SEC11A: variants seen among roughly 807,000 people sequenced by gnomAD.
SEC11A encodes the protein SEC11 homolog A, signal peptidase complex subunit.
SEC11A carries 14 observed loss-of-function variants against 25.6 expected under a neutral mutation model. The observed-to-expected ratio is 0.55, with a 90% CI of 0.36 to 0.85. The LOEUF (loss-of-function observed/expected upper bound fraction) is 0.85. Among genes scored for constraint, SEC11A ranks in the 40% least tolerant of loss-of-function variants. The pLI, the probability that SEC11A is intolerant of heterozygous loss-of-function variation, is 0.01. For missense variants in SEC11A, 153 were observed against 222.9 expected (o/e 0.69, Z 2.00); for synonymous variants, 83 against 76.4 (o/e 1.09, Z -0.45).
intron 4 of SEC11A, among the ~76,000 whole-genome samples, chr15:84,676,265 G>A (rs1395894697): frequency 6.6e-6 from 1 of 151,930 alleles, no homozygotes; most frequent in Non-Finnish European, 1.5e-5. Context: ...AAAAGAGAGA[G>A]ACCAGCCTGG....
At position 84,669,809 on chromosome 15, in the gene SEC11A, G is replaced by A; in HGVS notation, c.*210C>T. The A allele has an allele frequency of 1.6e-6, 1 of 619,122 alleles. No individual in the cohort carries two copies. Among genetic ancestry groups the A allele is most frequent in the East Asian group, 3.2e-5 (1 of 30,806 alleles). 38.4% of individuals were successfully genotyped at this position (619,122 alleles called of 1,614,324 possible). A position where few individuals can be genotyped will look rare whatever the true frequency, so the allele number is the denominator to read the frequency against. ...GTGACAATGACAATTATGAAATCCTGTGACTGAAAGTCCCCTCGAGTGCAC... is the reference window on the plus strand; with the variant it reads ...GTGACAATGACAATTATGAAATCCTATGACTGAAAGTCCCCTCGAGTGCAC... On this transcript the variant is annotated 3_prime_UTR_variant, in exon 6 of 6. Transcript: ENST00000268220.
intron 2 of SEC11A, among the ~76,000 whole-genome samples, chr15:84,690,583 C>G (rs1271843764): frequency 2.0e-5 from 3 of 151,102 alleles, no homozygotes; most frequent in African/African-American, 7.3e-5. Flanking sequence ...CGCCACTGCA[C>G]TCTATCCTGG....
rs192340866 is a variant in SEC11A, at chr15:84,706,728, G to A, written c.51+9297C>T. ...GTGTATAGATGCCAAGTTGACAAAG[G>A]GTAGAATCTAACAGTTTTGTACTTT... On this transcript the variant is annotated intron_variant, in intron 1 of 5. Transcript: ENST00000268220. Among the ~76,000 whole-genome samples, 112 of 152,334 alleles carry A rather than the reference G, an allele frequency of 7.4e-4. 1 individual carries two copies. Among genetic ancestry groups the A allele is most frequent in the Non-Finnish European group, 1.1e-3 (74 of 68,036 alleles).
chr15:84,669,924 G>GT lies in SEC11A; in HGVS notation c.*94dup, dbSNP rs750167273. On this transcript the variant is annotated 3_prime_UTR_variant, in exon 6 of 6. Coordinates refer to ENST00000268220, the MANE Select transcript of SEC11A (RefSeq NM_014300.4). Reference sequence around the variant, plus strand: ...GTGCTACCCAGAAGCACCAACACGTGTGTTCTCCATTCCACCAATCACAGA... The same window carrying GT: ...GTGCTACCCAGAAGCACCAACACGTGTTGTTCTCCATTCCACCAATCACAGA... 20 of 1,596,374 alleles carry GT rather than the reference G, an allele frequency of 1.3e-5. No individual in the cohort carries two copies. Among genetic ancestry groups the GT allele is most frequent in the Non-Finnish European group, 1.6e-5 (19 of 1,171,702 alleles).
intron 5 of SEC11A, 158 bp downstream of exon 5, chr15:84,670,567 A>C: frequency 2.3e-6 from 1 of 434,214 alleles, no homozygotes; most frequent in Non-Finnish European, 4.2e-6. Context: ...TTTAATAGAG[A>C]CGGGGTTTCG....
Position 84,679,329 on chromosome 15 carries a change from A to G in SEC11A, c.431+1384T>C, listed in dbSNP as rs780916361. 5 of 844,230 alleles carry G rather than the reference A, an allele frequency of 5.9e-6. No homozygotes were observed. In the South Asian group the frequency reaches 7.1e-5, roughly 12 times the overall value. The allele number at this position is 844,230 out of a possible 1,614,324, so 52.3% of individuals were successfully genotyped here. A position where few individuals can be genotyped will look rare whatever the true frequency, so the allele number is the denominator to read the frequency against. On this transcript the variant is annotated intron_variant, in intron 4 of 5. Coordinates refer to ENST00000268220, the MANE Select transcript of SEC11A (RefSeq NM_014300.4). ...AAGTATTTTTAGCTCCATCAAAGGA[A>G]AAGTTCCTTAAAGCGGGGACATATT...
intron 2 of SEC11A, 146 bp downstream of exon 2, chr15:84,691,389 A>G (rs1897602318): frequency 1.8e-6 from 1 of 556,050 alleles, no homozygotes; most frequent in African/African-American, 1.9e-5. Context: ...ATTTCTTACA[A>G]CTGATAAGTA....
At chr15:84,699,316 CAAAAA>C (rs35351608) in intron 1 of SEC11A, among the ~76,000 whole-genome samples, 1 of 89,076 alleles carries the variant, frequency 1.1e-5, no homozygotes, top group Non-Finnish European at 2.2e-5. Flanking sequence ...CTCTTGTCTC[CAAAAA>C]AAAAAAAAAA....
In SEC11A at chr15:84,670,714, C is replaced by G; in HGVS notation, c.489+11G>C. ...ACATTTTTTAATAAAACAAATAATA[C>G]AGACTCTTACCTTAAATTTAGGATA... On this transcript the variant is annotated intron_variant, in intron 5 of 5. Transcript: ENST00000268220. The G allele has an allele frequency of 7.6e-7, 1 of 1,312,550 alleles. No individual in the cohort carries two copies. The highest frequency in any genetic ancestry group is 2.5e-5 in the East Asian group (1 of 40,654). The allele number at this position is 1,312,550 out of a possible 1,614,324, so 81.3% of individuals were successfully genotyped here. A position where few individuals can be genotyped will look rare whatever the true frequency, so the allele number is the denominator to read the frequency against.
At chr15:84,677,165 T>C (rs1388323542) in intron 4 of SEC11A, among the ~76,000 whole-genome samples, 1 of 152,200 alleles carries the variant, frequency 6.6e-6, no homozygotes, top group Non-Finnish European at 1.5e-5. Flanking sequence ...TTCTTAAGAT[T>C]TGTGTACATC....
In SEC11A at chr15:84,680,731, A is replaced by C; in HGVS notation, c.413T>G (p.Val138Gly). 6.2e-7 allele frequency: 1 copy of C among 1,612,342 alleles called. No individual in the cohort carries two copies. The highest frequency in any genetic ancestry group is 8.5e-7 in the Non-Finnish European group (1 of 1,178,860). ...QGQHWLEKKD[V>G]VGRARGFVPY... ...TACTTACCCCCTGGCTCTCCCCACAACATCTTTTTTCTCTAGCCAATGTTG... is the reference window on the plus strand; with the variant it reads ...TACTTACCCCCTGGCTCTCCCCACACCATCTTTTTTCTCTAGCCAATGTTG... The change falls in exon 4 of 6, where the codon GTT becomes GGT. Residue 138 changes from valine to glycine, a missense_variant. Coordinates refer to ENST00000268220, the MANE Select transcript of SEC11A (RefSeq NM_014300.4).
At chr15:84,672,401 C>G (rs981414106) in intron 4 of SEC11A, 1 of 160,646 alleles carries the variant, frequency 6.2e-6, no homozygotes, top group Admixed American at 6.5e-5. Flanking sequence ...CCGGTGCCTG[C>G]GATTGCAGGC....
At chr15:84,680,307 A>C (rs1329201477) in intron 4 of SEC11A, among the ~76,000 whole-genome samples, 2 of 151,948 alleles carry the variant, frequency 1.3e-5, no homozygotes, top group Non-Finnish European at 2.9e-5. Context: ...TCTCAAAAAA[A>C]AGAAAAAAAA....
At position 84,694,312 on chromosome 15, in the gene SEC11A, A is replaced by G. The variant is rs568961012; in HGVS notation, c.52-2668T>C. Among the ~76,000 whole-genome samples, 31 of 152,044 alleles carry G rather than the reference A, an allele frequency of 2.0e-4. 1 individual carries two copies. The highest frequency in any genetic ancestry group is 1.8e-3 in the Admixed American group (27 of 15,260). On this transcript the variant is annotated intron_variant, in intron 1 of 5. Transcript: ENST00000268220. The stretch of plus-strand genomic sequence containing the variant: ...GGGGGTTGCAGTAAGCTGAGATCGC[A>G]CCACTGCACTCCAGCCTGGGCAACT...
chr15:84,700,154 T>A (rs1227687574), intron 1 of SEC11A, among the ~76,000 whole-genome samples: 1 of 151,514 alleles, frequency 6.6e-6, no homozygotes, highest in Non-Finnish European at 1.5e-5. Context: ...TCCAAACATA[T>A]CCAGCACCCA....
At chr15:84,676,170 A>C (rs1308484262) in intron 4 of SEC11A, among the ~76,000 whole-genome samples, 3 of 152,232 alleles carry the variant, frequency 2.0e-5, no homozygotes, top group Non-Finnish European at 4.4e-5. Context: ...TGTGAATTAT[A>C]TCTCAATAAA....
chr15:84,715,955 G>T, intron 1 of SEC11A, 70 bp downstream of exon 1: 1 of 1,466,348 alleles, frequency 6.8e-7, no homozygotes, highest in Non-Finnish European at 9.5e-7. Flanking sequence ...CCTGGGGTCC[G>T]CCGGGCCCCG....
At chr15:84,712,197 A>G (rs1007707772) in intron 1 of SEC11A, among the ~76,000 whole-genome samples, 2 of 151,846 alleles carry the variant, frequency 1.3e-5, no homozygotes, top group Non-Finnish European at 2.9e-5. Context: ...AGCTGTGATT[A>G]TGCTACTGCA....
chr15:84,680,920 T>A, intron 3 of SEC11A, 88 bp from the exon 4 acceptor site: 2 of 1,184,600 alleles, frequency 1.7e-6, no homozygotes, highest in Admixed American at 4.5e-5. Flanking sequence ...AACATGTTTG[T>A]GGCACTGGGG....
Sources: gnomAD v4.1 joint callset for allele counts (sites outside exome capture counted in the v4.1 genomes callset) on GRCh38, gnomAD v4.1.1 for gene constraint, MANE v1.5 for transcripts, NCBI Gene and HGNC (gene_info 2026-07-23, HGNC 2026-07-21) for gene names.